The following STMN1 variants were observed in gnomAD, a reference collection of about 807,000 sequenced individuals.
STMN1 encodes stathmin.
In STMN1, 3 loss-of-function variants were observed where a neutral mutation model predicts 19.7. The ratio of observed to expected loss-of-function variants is 0.15; its 90% CI spans 0.07 to 0.39. The LOEUF is 0.39. Ranked by LOEUF, STMN1 falls within the 10% of genes least tolerant of loss-of-function variation. The pLI, the probability that STMN1 is intolerant of heterozygous loss-of-function variation, is 1.00. For missense variants in STMN1, 99 were observed against 176.0 expected, an observed-to-expected ratio of 0.56 and a Z score of 2.48; for synonymous variants, 59 against 58.9, an observed-to-expected ratio of 1.00 and a Z score of -0.01.
chr1:25,901,322 G>A, intron 4 of STMN1, 169 bp downstream of exon 4: 1 of 1,117,192 alleles, frequency 9.0e-7, no homozygotes, highest in East Asian at 2.6e-5. Context: ...CAATTATGCT[G>A]GGAATTACTG....
At chr1:25,901,162 G>GC in intron 4 of STMN1, 75 bp from the exon 5 acceptor site, 1 of 1,498,648 alleles carries the variant, frequency 6.7e-7, no homozygotes, top group South Asian at 1.2e-5. Context: ...ACGACCCCCA[G>GC]CCCCCACCTC....
At chr1:25,894,104 G>A (rs562542073) in intron 4 of STMN1, among the ~76,000 whole-genome samples, 96 of 152,344 alleles carry the variant, frequency 6.3e-4, no homozygotes, top group African/African-American at 2.2e-3. Context: ...TGTATTGAAT[G>A]GGTAACATGG....
At position 25,901,602 on chromosome 1, in the gene STMN1, C is replaced by A. The variant is rs538074058; in HGVS notation, c.267G>T (p.Glu89Asp). 16 of 1,613,964 alleles carry A rather than the reference C, an allele frequency of 9.9e-6. No individual in the cohort carries two copies. The highest frequency in any genetic ancestry group is 1.7e-5 in the Admixed American group (1 of 59,976). Residue 89 changes from glutamate (E) to aspartate (D), a missense_variant, in exon 4 of 5, where the codon GAG (glutamate) becomes GAT (aspartate). Glu to Asp is a conservative substitution (Grantham distance 45). Transcript: ENST00000455785. Reference protein sequence around the residue: ...EKEVLQKAIEENNNFSKMAEE... With the variant: ...EKEVLQKAIEDNNNFSKMAEE... The stretch of plus-strand genomic sequence containing the variant: ...CTGCCATTTTACTGAAGTTGTTGTT[C>A]TCTTCTATTGCCTTCTGAAGCACTT...
chr1:25,894,161 T>C (rs2048799173), intron 4 of STMN1, among the ~76,000 whole-genome samples: 1 of 152,194 alleles, frequency 6.6e-6, no homozygotes, highest in South Asian at 2.1e-4. Context: ...GGGAATGTAC[T>C]GTGTGCCTTG....
At chr1:25,892,158 G>C (rs751816101) in intron 4 of STMN1, among the ~76,000 whole-genome samples, 1 of 152,248 alleles carries the variant, frequency 6.6e-6, no homozygotes, top group African/African-American at 2.4e-5. Flanking sequence ...GGGAGGCCGA[G>C]GTGGGCGAAT....
intron 4 of STMN1, among the ~76,000 whole-genome samples, chr1:25,892,782 C>T (rs1051319169): frequency 4.6e-5 from 7 of 152,146 alleles, no homozygotes; most frequent in African/African-American, 1.7e-4. Context: ...GCCCATCTGC[C>T]CAGTTTTCTA....
At chr1:25,898,315 C>CTCAT (rs1422519817), downstream of STMN1, among the ~76,000 whole-genome samples, 1 of 152,170 alleles carries the variant, frequency 6.6e-6, no homozygotes, top group African/African-American at 2.4e-5. Flanking sequence ...AAAGGACAAG[C>CTCAT]TCATGTCCTT....
At chr1:25,895,187 C>G (rs139663389), downstream of STMN1, among the ~76,000 whole-genome samples, 183 of 149,208 alleles carry the variant, frequency 1.2e-3, 2 homozygotes, top group African/African-American at 4.3e-3. Flanking sequence ...ACTGCAACCT[C>G]TACCTCCCGG....
chr1:25,888,255 G>T (rs971343707), intron 4 of STMN1, among the ~76,000 whole-genome samples: 7 of 152,136 alleles, frequency 4.6e-5, no homozygotes, highest in Non-Finnish European at 1.0e-4. Flanking sequence ...GAGTGGGTGA[G>T]GAGGGCTGTG....
At chr1:25,905,009 G>A in intron 1 of STMN1, 2 of 293,184 alleles carry the variant, frequency 6.8e-6, no homozygotes, top group South Asian at 6.3e-5. Flanking sequence ...AAGTCACAAG[G>A]GTGAAGAATT....
At chr1:25,904,950 T>C (rs1301816442) in intron 1 of STMN1, 1 of 382,124 alleles carries the variant, frequency 2.6e-6, no homozygotes, top group East Asian at 4.1e-5. Context: ...AAAATCAAGT[T>C]AACTGAGCTT....
At chr1:25,884,345 T>G (rs995878494), downstream of STMN1, 1 of 152,082 alleles carries the variant, frequency 6.6e-6, no homozygotes, top group African/African-American at 2.4e-5. Context: ...TCAGGTCTTC[T>G]TACAGACTGC....
intron 4 of STMN1, chr1:25,887,680 G>GT (rs984650771): frequency 3.4e-5 from 7 of 208,322 alleles, no homozygotes; most frequent in Admixed American, 1.1e-4. Flanking sequence ...GTTTTTTGGG[G>GT]TTTTTTTGTT....
downstream of STMN1, among the ~76,000 whole-genome samples, chr1:25,898,018 C>T (rs901055197): frequency 2.0e-5 from 3 of 152,140 alleles, no homozygotes; most frequent in African/African-American, 4.8e-5. Flanking sequence ...CCACCATGGC[C>T]ACCGTAGCCT....
At chr1:25,893,247 A>T (rs2048791813) in intron 4 of STMN1, among the ~76,000 whole-genome samples, 1 of 152,216 alleles carries the variant, frequency 6.6e-6, no homozygotes, top group African/African-American at 2.4e-5. Context: ...CTTACTTTCA[A>T]TTTCTGTACT....
intron 3 of STMN1, chr1:25,902,294 G>T (rs974198984): frequency 2.0e-5 from 3 of 152,152 alleles, no homozygotes; most frequent in Non-Finnish European, 2.9e-5. Context: ...GTACTTGCGA[G>T]TGGCACTTTT....
In STMN1 at chr1:25,900,991, G is replaced by C; in HGVS notation, c.*25C>G. On this transcript the variant is annotated 3_prime_UTR_variant, in exon 5 of 5. Transcript: ENST00000455785. ...CTTTGGATATTTAGGAAGGGGATGGGGAGAAAGTCAGTTCTCAGAACAAAT... is the reference window on the plus strand; with the variant it reads ...CTTTGGATATTTAGGAAGGGGATGGCGAGAAAGTCAGTTCTCAGAACAAAT... 6.2e-7 allele frequency: 1 copy of C among 1,612,764 alleles called. No homozygotes were observed. Among genetic ancestry groups the C allele is most frequent in the Non-Finnish European group, 8.5e-7 (1 of 1,179,568 alleles).
downstream of STMN1, among the ~76,000 whole-genome samples, chr1:25,898,876 C>T (rs764186796): frequency 9.2e-5 from 14 of 152,184 alleles, no homozygotes; most frequent in African/African-American, 1.4e-4. Context: ...TAGGTGCCAC[C>T]GCTCCTCCTC....
downstream of STMN1, among the ~76,000 whole-genome samples, chr1:25,898,479 G>T (rs532740321): frequency 6.6e-6 from 1 of 152,300 alleles, no homozygotes; most frequent in African/African-American, 2.4e-5. Context: ...ACATGGGCAC[G>T]TGATATGCTG....
Sources: gnomAD v4.1 joint callset for allele counts (sites outside exome capture counted in the v4.1 genomes callset) on GRCh38, gnomAD v4.1.1 for gene constraint, MANE v1.5 for transcripts, NCBI Gene and HGNC (gene_info 2026-07-23, HGNC 2026-07-21) for gene names.